SHANK1: variants seen among roughly 807,000 people sequenced by gnomAD.
The protein encoded by SHANK1 is SH3 and multiple ankyrin repeat domains protein 1.
A neutral mutation model predicts 165.6 loss-of-function variants in SHANK1; 35 were observed. The ratio of observed to expected loss-of-function variants is 0.21; its 90% confidence interval spans 0.16 to 0.28. SHANK1 has a LOEUF of 0.28. Among genes scored for constraint, SHANK1 ranks in the 10% least tolerant of loss-of-function variants. The pLI, the probability that SHANK1 is intolerant of heterozygous loss-of-function variation, is 1.00. For synonymous variants in SHANK1, 1,428 were observed against 1,384.8 expected, an observed-to-expected ratio of 1.03 and a Z score of -0.69; for missense variants, 2,681 against 3,036.4, an observed-to-expected ratio of 0.88 and a Z score of 2.75.
intron 8 of SHANK1, among the ~76,000 whole-genome samples, chr19:50,710,217 C>A (rs1739356067): frequency 6.6e-6 from 1 of 152,210 alleles, no homozygotes; most frequent in Non-Finnish European, 1.5e-5. Context: ...GAAGTGCCGG[C>A]ACCATGTTGG....
At chr19:50,703,184 C>T (rs559341981) in intron 11 of SHANK1, among the ~76,000 whole-genome samples, 31 of 152,014 alleles carry the variant, frequency 2.0e-4, no homozygotes, top group Non-Finnish European at 4.0e-4. Flanking sequence ...CCACCCCCCC[C>T]ATCCTCTTCC....
At position 50,697,699 on chromosome 19, in the gene SHANK1, T is replaced by C. The variant is rs1986786507; in HGVS notation, c.1862-35A>G. 1.2e-5 allele frequency: 20 copies of C among 1,604,936 alleles called. 1 individual carries two copies. In the Admixed American group the frequency reaches 3.3e-4, roughly 27 times the overall value. ...GACAACAGACAACCTTGGACTCTTGTTTTGGAAACCACAATCCCAGCCCTA... is the reference window on the plus strand; with the variant it reads ...GACAACAGACAACCTTGGACTCTTGCTTTGGAAACCACAATCCCAGCCCTA... On this transcript the variant is annotated intron_variant, in intron 13 of 23. Coordinates refer to ENST00000293441, the MANE Select transcript of SHANK1 (RefSeq NM_016148.5). This position sits in a 1 kb window ranked among gnomAD's most constrained non-coding sequence, Gnocchi z 4.7.
chr19:50,700,349 A>G (rs916743816), intron 12 of SHANK1, among the ~76,000 whole-genome samples: 1 of 149,162 alleles, frequency 6.7e-6, no homozygotes, highest in Admixed American at 6.7e-5. Context: ...GGAGGATTGG[A>G]GGGCTCGGGG....
At position 50,688,150 on chromosome 19, in the gene SHANK1, G is replaced by T; in HGVS notation, c.2173-92C>A. ...CCCCAAGGAGGATGCCTCCTGCGCT[G>T]CCCTGTCCATGGCCCTCTGGGCTAT... On this transcript the variant is annotated intron_variant, in intron 17 of 23. Transcript: ENST00000293441. The surrounding 1 kb of genome is among the most constrained non-coding windows in gnomAD (Gnocchi z 6.7). The T allele has an allele frequency of 6.8e-7, 1 of 1,479,180 alleles. No individual in the cohort carries two copies. Among genetic ancestry groups the T allele is most frequent in the South Asian group, 1.2e-5 (1 of 83,248 alleles). The allele number at this position is 1,479,180 out of a possible 1,614,324, so 91.6% of individuals were successfully genotyped here.
In SHANK1 at chr19:50,686,556, T is replaced by G. The variant is rs796454180; in HGVS notation, c.2458+188A>C. 4.5e-4 allele frequency among the ~76,000 whole-genome samples: 61 copies of G among 136,080 alleles called. No individual in the cohort carries two copies. The highest frequency in any genetic ancestry group is 1.2e-3 in the African/African-American group (45 of 36,592). 89.3% of individuals were successfully genotyped at this position (136,080 alleles called of 152,430 possible). A position where few individuals can be genotyped will look rare whatever the true frequency, so the allele number is the denominator to read the frequency against. On this transcript the variant is annotated intron_variant, in intron 20 of 23. Coordinates refer to ENST00000293441, the MANE Select transcript of SHANK1 (RefSeq NM_016148.5). This position sits in a 1 kb window ranked among gnomAD's most constrained non-coding sequence, Gnocchi z 5.7. ...CCAGCCCAGTGGGCAGCACCCAGGG[T>G]GGGAAGGGGTGCGGGCAGGGAACGG...
At chr19:50,692,709 C>T (rs1986579359) in intron 15 of SHANK1, among the ~76,000 whole-genome samples, 1 of 151,582 alleles carries the variant, frequency 6.6e-6, no homozygotes, top group Non-Finnish European at 1.5e-5. Context: ...CTCCATGTAC[C>T]TCTAAACTCC....
intron 11 of SHANK1, 135 bp downstream of exon 11, chr19:50,703,365 A>G (rs1321664800): frequency 2.8e-6 from 2 of 717,356 alleles, no homozygotes; most frequent in Non-Finnish European, 4.5e-6. Context: ...GCCTTGCTTT[A>G]CCCCAAGGTG....
intron 12 of SHANK1, among the ~76,000 whole-genome samples, chr19:50,700,708 C>T (rs1416085533): frequency 6.6e-6 from 1 of 152,046 alleles, no homozygotes; most frequent in South Asian, 2.1e-4. Flanking sequence ...TCTCTCCCTG[C>T]GTAGAAGCAT....
rs1986320647 is a variant in SHANK1, at chr19:50,686,031, A to G, written c.2577+206T>C. On this transcript the variant is annotated intron_variant, in intron 21 of 23. Transcript: ENST00000293441. This position sits in a 1 kb window ranked among gnomAD's most constrained non-coding sequence, Gnocchi z 5.7. ...GTGGAAAGTGGAGAGAGAAAAGGAC[A>G]GAGATGGGATTTGAGGGAAAGGGGA... Among the ~76,000 whole-genome samples, 1 of 142,732 alleles carries G rather than the reference A, an allele frequency of 7.0e-6. No individual in the cohort carries two copies. Among genetic ancestry groups the G allele is most frequent in the Non-Finnish European group, 1.6e-5 (1 of 63,586 alleles). 93.6% of individuals were successfully genotyped at this position (142,732 alleles called of 152,430 possible).
At chr19:50,711,168 T>C in intron 8 of SHANK1, 1 of 576,998 alleles carries the variant, frequency 1.7e-6, no homozygotes, top group South Asian at 2.1e-5. Flanking sequence ...ACAGAGGAGC[T>C]CAGTAAATAT....
chr19:50,668,907 G>A lies in SHANK1; in HGVS notation c.3053C>T (p.Ala1018Val). The change falls in exon 23 of 24, where the codon GCC (alanine) becomes GTC (valine). Residue 1018 changes from alanine to valine, a missense_variant. By Grantham distance (64) the Ala-to-Val change is moderately conservative (BLOSUM62 0). Around this residue, in one of 10 missense-constraint regions of SHANK1, gnomAD observed 1,713 missense variants for 1,630.2 expected, o/e 1.05. Transcript: ENST00000293441. ...CATCTCGGGAGGATGAGGGGGGTGG[G>A]CGTGGTGGTGGTGGGGCTGAGGGGG... Reference protein sequence around the residue: ...APPPQPHHHHAHPPHPPEMET... With the variant: ...APPPQPHHHHVHPPHPPEMET... 7.8e-7 allele frequency: 1 copy of A among 1,285,030 alleles called. No homozygotes were observed. Among genetic ancestry groups the A allele is most frequent in the Non-Finnish European group, 9.9e-7 (1 of 1,006,038 alleles). The allele number at this position is 1,285,030 out of a possible 1,614,324, so 79.6% of individuals were successfully genotyped here. A position where few individuals can be genotyped will look rare whatever the true frequency, so the allele number is the denominator to read the frequency against.
In SHANK1 at chr19:50,670,825, G is replaced by A. The variant is rs113465312; in HGVS notation, c.2674+1193C>T. Among the ~76,000 whole-genome samples the A allele has an allele frequency of 5.2e-3, 781 of 151,508 alleles. 1 individual carries two copies. Among genetic ancestry groups the A allele is most frequent in the African/African-American group, 0.018 (745 of 41,226 alleles). ...TTCTTTTTTTTTGAGACAGAGTCTC[G>A]CTCTGTCGCCCAGGCTGGAGTGCAA... On this transcript the variant is annotated intron_variant, in intron 22 of 23. Coordinates refer to ENST00000293441, the MANE Select transcript of SHANK1 (RefSeq NM_016148.5). The surrounding 1 kb of genome is among the most constrained non-coding windows in gnomAD (Gnocchi z 4.1).
intron 23 of SHANK1, among the ~76,000 whole-genome samples, chr19:50,664,127 T>TTC (rs1568425332): frequency 6.6e-6 from 1 of 150,908 alleles, no homozygotes; most frequent in African/African-American, 2.4e-5. Flanking sequence ...TCTTTCTTTT[T>TTC]TTTTTTTTTT....
rs1301069373 is a variant in SHANK1 at position 50,697,087 on chromosome 19, G to C, written c.1964+9C>G. The C allele has an allele frequency of 8.8e-6, 14 of 1,585,934 alleles. No individual in the cohort carries two copies. Among genetic ancestry groups the C allele is most frequent in the Non-Finnish European group, 1.2e-5 (14 of 1,165,948 alleles). ...TGACCCCATCCCCTCCCTGCCCCTCGCCTCTCACCTCCCTGGGCCAATCCC... is the reference window on the plus strand; with the variant it reads ...TGACCCCATCCCCTCCCTGCCCCTCCCCTCTCACCTCCCTGGGCCAATCCC... On this transcript the variant is annotated intron_variant, in intron 15 of 23. Transcript: ENST00000293441. The surrounding 1 kb of genome is among the most constrained non-coding windows in gnomAD (Gnocchi z 4.7).
intron 21 of SHANK1, among the ~76,000 whole-genome samples, chr19:50,675,094 G>A (rs1271843301): frequency 6.8e-6 from 1 of 147,116 alleles, no homozygotes; most frequent in Non-Finnish European, 1.5e-5. Context: ...AATTAACCAG[G>A]CATAGTAGCA....
In SHANK1 at chr19:50,668,700, A is replaced by G; in HGVS notation, c.3260T>C (p.Leu1087Pro). Reference protein sequence around the residue: ...SQGPALRYFQLPPRAASAAMY... With the variant: ...SQGPALRYFQPPPRAASAAMY... ...GGCTGCGCTGGCCGCCCGCGGGGGC[A>G]GCTGGAAATAGCGTAGAGCCGGGCC... The change falls in exon 23 of 24, where the codon CTG becomes CCG. Residue 1087 changes from leucine to proline, a missense_variant. Leu to Pro is a moderately conservative substitution (Grantham distance 98). Coordinates refer to ENST00000293441, the MANE Select transcript of SHANK1 (RefSeq NM_016148.5). 3 of 1,299,004 alleles carry G rather than the reference A, an allele frequency of 2.3e-6. No homozygotes were observed. Among genetic ancestry groups the G allele is most frequent in the Non-Finnish European group, 2.9e-6 (3 of 1,030,330 alleles). 80.5% of individuals were successfully genotyped at this position (1,299,004 alleles called of 1,614,324 possible). A position where few individuals can be genotyped will look rare whatever the true frequency, so the allele number is the denominator to read the frequency against.
In SHANK1 at chr19:50,716,803, C is replaced by T. The variant is rs768188950; in HGVS notation, c.117G>A (p.Gly39=). 2.5e-6 allele frequency: 4 copies of T among 1,589,626 alleles called. No individual in the cohort carries two copies. The highest frequency in any genetic ancestry group is 1.7e-4 in the Middle Eastern group (1 of 5,894). Residue 39 remains glycine (G), a synonymous_variant, in exon 2 of 24, where the codon GGG becomes GGA. Transcript: ENST00000293441. This position sits in a 1 kb window ranked among gnomAD's most constrained non-coding sequence, Gnocchi z 8.4. ...GTGCCCCACTGCCCTGGCCCCGGGT[C>T]CCCCGGGGGCCTCGACCTGGCCCGT... The part of the protein sequence containing the change: ...SPDGPGRGPR[G]TRGQGSGAPG...
At chr19:50,677,147 G>A (rs1986009799) in intron 21 of SHANK1, among the ~76,000 whole-genome samples, 1 of 138,330 alleles carries the variant, frequency 7.2e-6, no homozygotes, top group Admixed American at 7.6e-5. Flanking sequence ...TTTTTTTTGA[G>A]ATGGGAGTCT....
At chr19:50,673,494 C>T (rs143845331) in intron 21 of SHANK1, among the ~76,000 whole-genome samples, 54 of 152,254 alleles carry the variant, frequency 3.5e-4, no homozygotes, top group African/African-American at 1.3e-3. Flanking sequence ...TCCTTTTCAG[C>T]GCGAAGTTCT....
Sources: gnomAD v4.1 joint callset for allele counts (sites outside exome capture counted in the v4.1 genomes callset) on GRCh38, gnomAD v4.1.1 for gene constraint, gnomAD v4.1.1 regional missense constraint, Gnocchi (gnomAD v3.1) non-coding constraint, MANE v1.5 for transcripts, NCBI Gene and HGNC (gene_info 2026-07-23, HGNC 2026-07-21) for gene names.